The following BMPER variants were observed in gnomAD, a reference collection of about 807,000 sequenced individuals.
BMPER encodes the protein BMP-binding endothelial regulator protein.
A neutral mutation model predicts 87.3 loss-of-function variants in BMPER; 45 were observed. That is an observed-to-expected ratio of 0.52 (90% CI 0.41 to 0.66). The LOEUF is 0.66. Among genes scored for constraint, BMPER ranks in the 30% least tolerant of loss-of-function variants. The pLI is 0.00. For synonymous variants in BMPER, 326 were observed against 316.2 expected (o/e 1.03, Z -0.33); for missense variants, 784 against 867.5 (o/e 0.90, Z 1.21).
intron 13 of BMPER, among the ~76,000 whole-genome samples, chr7:34,136,412 T>C (rs554394559): frequency 3.9e-4 from 59 of 152,322 alleles, no homozygotes; most frequent in Admixed American, 9.1e-4. Context: ...CCTTCCTACC[T>C]TGGCTACTAC....
intron 11 of BMPER, among the ~76,000 whole-genome samples, chr7:34,067,537 C>T (rs34953809): frequency 1.3e-5 from 2 of 152,068 alleles, no homozygotes; most frequent in East Asian, 1.9e-4. Flanking sequence ...CCCTTAACAC[C>T]GAGAGTCTGT....
chr7:34,143,155 C>A, intron 13 of BMPER, 75 bp from the exon 14 acceptor site: 1 of 1,598,922 alleles, frequency 6.3e-7, no homozygotes, highest in South Asian at 1.1e-5. Context: ...ATCTACGACC[C>A]TTTCTGAAGT....
chr7:33,948,934 TGAGAGAGAGA>T (rs370365732), intron 3 of BMPER, among the ~76,000 whole-genome samples: 1 of 146,586 alleles, frequency 6.8e-6, no homozygotes, highest in Admixed American at 6.8e-5. Flanking sequence ...AGAGAGAAAG[TGAGAGAGAGA>T]GAGAGAGAGA....
chr7:34,030,827 T>C (rs1291911813), intron 6 of BMPER, among the ~76,000 whole-genome samples: 1 of 152,016 alleles, frequency 6.6e-6, no homozygotes, highest in Non-Finnish European at 1.5e-5. Flanking sequence ...GGTATCAAAC[T>C]CCTGGTCTCA....
intron 13 of BMPER, among the ~76,000 whole-genome samples, chr7:34,110,756 G>GT (rs1208984367): frequency 1.3e-5 from 2 of 152,126 alleles, no homozygotes; most frequent in Non-Finnish European, 2.9e-5. Context: ...GGATCAGATT[G>GT]TTTTTTAATT....
intron 6 of BMPER, among the ~76,000 whole-genome samples, chr7:34,016,471 A>C (rs956630139): frequency 1.3e-5 from 2 of 151,982 alleles, no homozygotes; most frequent in Non-Finnish European, 2.9e-5. Flanking sequence ...TTCTCTTTTA[A>C]AATTAGGATA....
At chr7:34,100,468 G>A (rs1446265174) in intron 13 of BMPER, among the ~76,000 whole-genome samples, 3 of 152,154 alleles carry the variant, frequency 2.0e-5, no homozygotes, top group Non-Finnish European at 4.4e-5. Flanking sequence ...CTGCATTCGT[G>A]CACCTCCAAA....
chr7:34,072,248 C>T lies in BMPER; in HGVS notation c.1079-6609C>T, dbSNP rs553707656. On this transcript the variant is annotated intron_variant, in intron 11 of 14. Coordinates refer to ENST00000649409, the MANE Select transcript of BMPER (RefSeq NM_001365308.1). ...TACACTAGTTATTTTATACTAGCCACGCTGGATTGCTAAGTGTACTAGTTA... is the reference window on the plus strand; with the variant it reads ...TACACTAGTTATTTTATACTAGCCATGCTGGATTGCTAAGTGTACTAGTTA... Among the ~76,000 whole-genome samples, 61 of 152,252 alleles carry T rather than the reference C, an allele frequency of 4.0e-4. 1 individual carries two copies. The South Asian group carries it at 0.012, about 29-fold the overall frequency.
At chr7:33,981,269 G>A (rs1785850604) in intron 6 of BMPER, among the ~76,000 whole-genome samples, 1 of 152,072 alleles carries the variant, frequency 6.6e-6, no homozygotes. Context: ...AGAGGTTCAT[G>A]TGCCAAATAA....
At chr7:33,979,020 C>G (rs1380440059) in intron 6 of BMPER, among the ~76,000 whole-genome samples, 1 of 152,002 alleles carries the variant, frequency 6.6e-6, no homozygotes, top group African/African-American at 2.4e-5. Context: ...TGTGCACACA[C>G]CCAAGTGGTA....
chr7:33,986,566 A>G (rs1365353927), intron 6 of BMPER, among the ~76,000 whole-genome samples: 5 of 152,156 alleles, frequency 3.3e-5, no homozygotes, highest in African/African-American at 2.4e-5. Flanking sequence ...GCATGGTTAC[A>G]TGAAAGATTC....
intron 13 of BMPER, among the ~76,000 whole-genome samples, chr7:34,131,383 C>T (rs541654761): frequency 9.9e-5 from 15 of 152,240 alleles, no homozygotes; most frequent in East Asian, 1.9e-4. Context: ...CCAAAAGGCA[C>T]GGCAGATGCT....
At chr7:34,142,761 A>C (rs1790906158) in intron 13 of BMPER, among the ~76,000 whole-genome samples, 2 of 152,234 alleles carry the variant, frequency 1.3e-5, no homozygotes, top group Non-Finnish European at 2.9e-5. Flanking sequence ...ATTTTTGGAA[A>C]CATTGCAGTA....
Position 33,937,407 on chromosome 7 carries a change from G to T in BMPER, c.319+19G>T. 1 of 1,607,740 alleles carries T rather than the reference G, an allele frequency of 6.2e-7. No individual in the cohort carries two copies. The highest frequency in any genetic ancestry group is 8.5e-7 in the Non-Finnish European group (1 of 1,174,240). On this transcript the variant is annotated intron_variant, in intron 3 of 14. Coordinates refer to ENST00000649409, the MANE Select transcript of BMPER (RefSeq NM_001365308.1). ...TGCAAAGGTGATTGATGTCTTGGCC[G>T]TCTTCTCTTCTGGCTGCTGCTTCAG...
intron 6 of BMPER, among the ~76,000 whole-genome samples, chr7:34,036,065 TA>T (rs1787657215): frequency 6.6e-6 from 1 of 152,178 alleles, no homozygotes; most frequent in African/African-American, 2.4e-5. Flanking sequence ...TTCTCCTGCA[TA>T]ATGGTGTTAT....
intron 2 of BMPER, among the ~76,000 whole-genome samples, chr7:33,909,693 A>AAAAAAAAG (rs10655768): frequency 7.9e-5 from 11 of 138,914 alleles, no homozygotes; most frequent in East Asian, 2.1e-4. Context: ...AAAAAAAAAA[A>AAAAAAAAG]AAAGAAAGAA....
chr7:34,101,269 T>C (rs1026258768), intron 13 of BMPER, among the ~76,000 whole-genome samples: 2 of 152,164 alleles, frequency 1.3e-5, no homozygotes, highest in Admixed American at 6.5e-5. Flanking sequence ...TTTAGTGGAA[T>C]AGATGGAATG....
chr7:33,991,374 TTTC>T (rs1344986264), intron 6 of BMPER, among the ~76,000 whole-genome samples: 2 of 152,176 alleles, frequency 1.3e-5, no homozygotes, highest in African/African-American at 4.8e-5. Context: ...AATTTATCCA[TTTC>T]TTCTAGATTT....
At chr7:34,013,953 A>G (rs971791342) in intron 6 of BMPER, among the ~76,000 whole-genome samples, 10 of 151,958 alleles carry the variant, frequency 6.6e-5, no homozygotes, top group African/African-American at 2.2e-4. Context: ...AAGTCTTGCC[A>G]TAGCTCCATC....
Sources: allele counts gnomAD v4.1 joint callset (sites outside exome capture counted in the v4.1 genomes callset), GRCh38; gene constraint gnomAD v4.1.1; transcripts MANE v1.5; gene names NCBI Gene and HGNC (gene_info 2026-07-23, HGNC 2026-07-21).